The following KLF12 variants were observed in gnomAD, a reference collection of about 807,000 sequenced individuals.
KLF12 encodes the protein KLF transcription factor 12.
A neutral mutation model predicts 37.8 loss-of-function variants in KLF12; 9 were observed. The ratio of observed to expected loss-of-function variants is 0.24; its 90% CI spans 0.14 to 0.42. KLF12 has a LOEUF of 0.42. Among genes scored for constraint, KLF12 ranks in the 10% least tolerant of loss-of-function variants. The probability of loss-of-function intolerance (pLI) is 1.00; values close to 1 mark genes in which losing one functional copy is unlikely to be tolerated. For missense variants in KLF12, 411 were observed against 516.0 expected (o/e 0.80, Z 1.97); for synonymous variants, 208 against 202.1 (o/e 1.03, Z -0.25).
At chr13:74,085,522 G>T (rs1365351328) in intron 1 of KLF12, among the ~76,000 whole-genome samples, 2 of 152,198 alleles carry the variant, frequency 1.3e-5, no homozygotes. Context: ...TGAGGTAGCT[G>T]CTGTTATTGT....
intron 5 of KLF12, among the ~76,000 whole-genome samples, chr13:73,773,653 C>A (rs989981318): frequency 1.3e-5 from 2 of 152,150 alleles, no homozygotes; most frequent in African/African-American, 4.8e-5. Context: ...AATCCCTTGG[C>A]TGCACTATAG....
the KLF12 span, among the ~76,000 whole-genome samples, chr13:74,228,261 T>C: frequency 1.3e-5 from 2 of 152,042 alleles, no homozygotes; most frequent in African/African-American, 4.8e-5. Flanking sequence ...AACTATATTA[T>C]ATAGTAGAAA....
intron 6 of KLF12, among the ~76,000 whole-genome samples, chr13:73,719,898 C>T (rs1876110212): frequency 6.6e-6 from 1 of 151,978 alleles, no homozygotes; most frequent in African/African-American, 2.4e-5. Flanking sequence ...CATGCCCGGC[C>T]AAGTTTCATA....
At chr13:74,183,781 G>A in the KLF12 span, among the ~76,000 whole-genome samples, 1 of 151,890 alleles carries the variant, frequency 6.6e-6, no homozygotes, top group African/African-American at 2.4e-5. Context: ...ACAAAAAAAT[G>A]CAAAAATTAG....
chr13:73,825,990 T>G (rs1883817027), intron 4 of KLF12, among the ~76,000 whole-genome samples: 1 of 152,072 alleles, frequency 6.6e-6, no homozygotes, highest in Non-Finnish European at 1.5e-5. Context: ...TTTTTTTTTT[T>G]GAGATGGAGT....
intron 1 of KLF12, among the ~76,000 whole-genome samples, chr13:74,023,495 T>C (rs1307614129): frequency 1.3e-5 from 2 of 152,194 alleles, no homozygotes; most frequent in South Asian, 2.1e-4. Context: ...CCACGTTCTC[T>C]CTGAAGCCTG....
chr13:73,719,724 C>T (rs1220583359), intron 6 of KLF12, among the ~76,000 whole-genome samples: 1 of 152,012 alleles, frequency 6.6e-6, no homozygotes, highest in Non-Finnish European at 1.5e-5. Flanking sequence ...CCCTCAGCCT[C>T]CTGAGTAGCT....
At chr13:74,059,272 T>C (rs906243650) in intron 1 of KLF12, among the ~76,000 whole-genome samples, 1 of 152,224 alleles carries the variant, frequency 6.6e-6, no homozygotes, top group Non-Finnish European at 1.5e-5. Context: ...TTTCATAGAA[T>C]GATTTATCTT....
chr13:73,804,694 A>G (rs532927244), intron 5 of KLF12, among the ~76,000 whole-genome samples: 129 of 152,312 alleles, frequency 8.5e-4, no homozygotes, highest in African/African-American at 2.9e-3. Context: ...AACAGCATTT[A>G]TCTCCCCTGG....
At chr13:74,262,837 A>G in the KLF12 span, among the ~76,000 whole-genome samples, 1 of 152,032 alleles carries the variant, frequency 6.6e-6, no homozygotes, top group Non-Finnish European at 1.5e-5. Flanking sequence ...ATGTACGTAT[A>G]TATGTATGTA....
the KLF12 span, among the ~76,000 whole-genome samples, chr13:74,185,919 C>G: frequency 1.3e-5 from 2 of 152,142 alleles, no homozygotes; most frequent in Non-Finnish European, 2.9e-5. Flanking sequence ...GCGGGGATTA[C>G]AGGTGTCAGC....
chr13:74,179,160 G>A, the KLF12 span, among the ~76,000 whole-genome samples: 3 of 152,284 alleles, frequency 2.0e-5, no homozygotes, highest in African/African-American at 4.8e-5. Context: ...CTGCCAAAGG[G>A]TTTGGACTTC....
chr13:73,841,845 T>A (rs1884753737), intron 4 of KLF12, among the ~76,000 whole-genome samples: 1 of 152,186 alleles, frequency 6.6e-6, no homozygotes. Flanking sequence ...AGGTATCAAG[T>A]GGAAAAATGT....
intron 4 of KLF12, among the ~76,000 whole-genome samples, chr13:73,818,174 C>T (rs1883336924): frequency 6.6e-6 from 1 of 150,940 alleles, no homozygotes; most frequent in African/African-American, 2.5e-5. Context: ...CAGATGGAGT[C>T]TTACTCTGTC....
chr13:74,228,399 C>T, the KLF12 span, among the ~76,000 whole-genome samples: 3 of 152,022 alleles, frequency 2.0e-5, no homozygotes, highest in Non-Finnish European at 2.9e-5. Flanking sequence ...TATCTTTAAT[C>T]ATTGAAATAA....
chr13:73,957,853 C>G (rs1382160657), intron 2 of KLF12, among the ~76,000 whole-genome samples: 1 of 152,142 alleles, frequency 6.6e-6, no homozygotes, highest in East Asian at 1.9e-4. Flanking sequence ...GAAGGGTGCT[C>G]TTTATAAAAA....
rs1395347170 is a variant in KLF12 at position 73,857,516 on chromosome 13, T to TG, written c.124-11144_124-11143insC. Among the ~76,000 whole-genome samples the TG allele has an allele frequency of 9.2e-5, 14 of 152,290 alleles. No individual in the cohort carries two copies. The South Asian group carries it at 2.9e-3, about 32-fold the overall frequency. ...TAATACATTCAAATATTAACACTCT[T>TG]AAGGTGAAATTATCTACACATTTAT... On this transcript the variant is annotated intron_variant, in intron 3 of 7. Transcript: ENST00000377669.
chr13:73,897,872 C>A (rs1250458248), intron 3 of KLF12, among the ~76,000 whole-genome samples: 1 of 152,192 alleles, frequency 6.6e-6, no homozygotes, highest in East Asian at 1.9e-4. Flanking sequence ...CACTTTCAAA[C>A]TTGTCTCATA....
At chr13:73,842,459 T>C (rs1307128185) in intron 4 of KLF12, among the ~76,000 whole-genome samples, 1 of 152,210 alleles carries the variant, frequency 6.6e-6, no homozygotes, top group African/African-American at 2.4e-5. Context: ...CCCAACACTG[T>C]ATCTTTGGTG....
Sources: allele counts gnomAD v4.1 joint callset (sites outside exome capture counted in the v4.1 genomes callset), GRCh38; gene constraint gnomAD v4.1.1; transcripts MANE v1.5; gene names NCBI Gene and HGNC (gene_info 2026-07-23, HGNC 2026-07-21).